The following NEO1 variants were observed in gnomAD, a reference collection of about 807,000 sequenced individuals.
NEO1 encodes neogenin.
In NEO1, 63 loss-of-function variants were observed where a neutral mutation model predicts 159.7. The observed-to-expected ratio is 0.39, with a 90% CI of 0.32 to 0.49. The LOEUF (loss-of-function observed/expected upper bound fraction) is 0.49, where lower values mean the gene tolerates loss of function less well. Ranked by LOEUF, NEO1 falls within the 20% of genes least tolerant of loss-of-function variation. The pLI, the probability that NEO1 is intolerant of heterozygous loss-of-function variation, is 0.85. For synonymous variants in NEO1, 633 were observed against 662.0 expected (o/e 0.96, Z 0.67); for missense variants, 1,615 against 1,831.0 (o/e 0.88, Z 2.15).
intron 1 of NEO1, among the ~76,000 whole-genome samples, chr15:73,100,910 C>T (rs1175879173): frequency 6.6e-6 from 1 of 152,178 alleles, no homozygotes; most frequent in Admixed American, 6.5e-5. Flanking sequence ...CACCACCCTT[C>T]TCTCATCATC....
At chr15:73,109,531 C>G (rs1232771550) in intron 1 of NEO1, among the ~76,000 whole-genome samples, 1 of 151,726 alleles carries the variant, frequency 6.6e-6, no homozygotes, top group African/African-American at 2.4e-5. Context: ...AAGGAAAGCA[C>G]TCTTATAAAT....
At chr15:73,211,781 A>G (rs955521202) in intron 7 of NEO1, among the ~76,000 whole-genome samples, 1 of 152,212 alleles carries the variant, frequency 6.6e-6, no homozygotes, top group African/African-American at 2.4e-5. Context: ...AGAAATATGC[A>G]GAGAAGAAGC....
At chr15:73,298,193 C>T in intron 26 of NEO1, 155 bp from the exon 27 acceptor site, 1 of 857,514 alleles carries the variant, frequency 1.2e-6, no homozygotes, top group Non-Finnish European at 1.8e-6. Context: ...CCATTCTTAT[C>T]CCTGGCAGTG....
chr15:73,084,408 T>C (rs1422101319), intron 1 of NEO1, among the ~76,000 whole-genome samples: 1 of 152,228 alleles, frequency 6.6e-6, no homozygotes. Context: ...AGTATTTGTT[T>C]TTCTATACCT....
At chr15:73,233,771 A>G (rs2039035676) in intron 7 of NEO1, among the ~76,000 whole-genome samples, 1 of 152,050 alleles carries the variant, frequency 6.6e-6, no homozygotes, top group African/African-American at 2.4e-5. Context: ...TTCCCTCCCC[A>G]GCTGCTTTCC....
In NEO1 at chr15:73,253,437, G is replaced by C; in HGVS notation, c.1932G>C (p.Val644=). 1 of 1,597,282 alleles carries C rather than the reference G, an allele frequency of 6.3e-7. No individual in the cohort carries two copies. Among genetic ancestry groups the C allele is most frequent in the Non-Finnish European group, 8.5e-7 (1 of 1,172,150 alleles). ...SAAPQNLSLE[V]RNSKSIMIHW... ...CTCCTCAGAATCTGTCCTTGGAAGT[G>C]AGAAATTCAAAGGTAAAACTGTATG... Residue 644 remains valine (V), a synonymous_variant, in exon 12 of 29, where the codon GTG becomes GTC. Coordinates refer to ENST00000261908, the MANE Select transcript of NEO1 (RefSeq NM_002499.4).
intron 7 of NEO1, among the ~76,000 whole-genome samples, chr15:73,201,271 A>G (rs973380189): frequency 6.6e-6 from 1 of 150,744 alleles, no homozygotes; most frequent in South Asian, 2.1e-4. Flanking sequence ...TCTAAGTTTC[A>G]CTTATTTTCA....
chr15:73,168,380 G>GGC (rs1491585392), intron 5 of NEO1, among the ~76,000 whole-genome samples: 1 of 8,554 alleles, frequency 1.2e-4, no homozygotes, highest in African/African-American at 3.2e-4. Flanking sequence ...GACGGGGGGT[G>GGC]GGGGGGGGGG....
chr15:73,079,287 A>G (rs1031637031), intron 1 of NEO1, among the ~76,000 whole-genome samples: 10 of 152,204 alleles, frequency 6.6e-5, no homozygotes, highest in African/African-American at 2.4e-4. Context: ...TTATGTTAAG[A>G]CATTTAAGGC....
At chr15:73,070,233 T>C (rs1026490149) in intron 1 of NEO1, among the ~76,000 whole-genome samples, 3 of 152,224 alleles carry the variant, frequency 2.0e-5, no homozygotes, top group East Asian at 3.8e-4. Context: ...ATATGTATTT[T>C]ATTTGTAATA....
At chr15:73,059,796 A>G (rs1032177958) in intron 1 of NEO1, among the ~76,000 whole-genome samples, 44 of 152,326 alleles carry the variant, frequency 2.9e-4, no homozygotes, top group African/African-American at 9.9e-4. Flanking sequence ...AAGGAGTTAT[A>G]TATCATTTCC....
At chr15:73,200,851 T>C in intron 7 of NEO1, among the ~76,000 whole-genome samples, 1 of 151,666 alleles carries the variant, frequency 6.6e-6, no homozygotes. Flanking sequence ...GCCCGGCTAA[T>C]TTTTGTATTT....
At chr15:73,270,848 G>A (rs1334576762) in intron 18 of NEO1, among the ~76,000 whole-genome samples, 5 of 152,198 alleles carry the variant, frequency 3.3e-5, no homozygotes, top group Admixed American at 6.5e-5. Context: ...GCAAATTAGC[G>A]TCTTATAAAA....
At chr15:73,121,523 A>G (rs2151645993) in intron 2 of NEO1, among the ~76,000 whole-genome samples, 1 of 152,280 alleles carries the variant, frequency 6.6e-6, no homozygotes, top group East Asian at 1.9e-4. Flanking sequence ...TACTTTTGTT[A>G]GTTAATAATG....
intron 13 of NEO1, 104 bp from the exon 14 acceptor site, chr15:73,258,662 T>TA: frequency 1.1e-6 from 1 of 890,438 alleles, no homozygotes; most frequent in Non-Finnish European, 1.8e-6. Context: ...TGCCAAGCTA[T>TA]ATACTGAGTT....
In NEO1 at chr15:73,249,100, A is replaced by T; in HGVS notation, c.1647A>T (p.Ala549=). The T allele has an allele frequency of 1.9e-6, 3 of 1,614,104 alleles. No individual in the cohort carries two copies. Among genetic ancestry groups the T allele is most frequent in the Non-Finnish European group, 2.5e-6 (3 of 1,179,982 alleles). Residue 549 remains alanine (A), a synonymous_variant, in exon 10 of 29, where the codon GCA becomes GCT. Coordinates refer to ENST00000261908, the MANE Select transcript of NEO1 (RefSeq NM_002499.4). ...CAGCACCTAACCTTCGTGCATATGC[A>T]GCTTCGCCTACCTCCATCACTGTTA... is the stretch of plus-strand genomic sequence containing the variant. ...PGPAPNLRAY[A]ASPTSITVTW... is the part of the protein sequence containing the mutation.
chr15:73,232,700 G>T (rs991456538), intron 7 of NEO1, among the ~76,000 whole-genome samples: 1 of 152,126 alleles, frequency 6.6e-6, no homozygotes, highest in African/African-American at 2.4e-5. Flanking sequence ...CTTGTTCCAT[G>T]GCTAGTCTAC....
chr15:73,296,850 G>C (rs929976052), intron 26 of NEO1, among the ~76,000 whole-genome samples: 1 of 152,168 alleles, frequency 6.6e-6, no homozygotes, highest in Admixed American at 6.5e-5. Context: ...ATTTCATCAT[G>C]CTACTCAGAA....
At chr15:73,127,380 C>T (rs1363689673) in intron 4 of NEO1, among the ~76,000 whole-genome samples, 2 of 152,126 alleles carry the variant, frequency 1.3e-5, no homozygotes, top group Non-Finnish European at 1.5e-5. Context: ...GCAGTGGGTG[C>T]TTTTCTTAGG....
Sources: gnomAD v4.1 joint callset for allele counts (sites outside exome capture counted in the v4.1 genomes callset) on GRCh38, gnomAD v4.1.1 for gene constraint, MANE v1.5 for transcripts, NCBI Gene and HGNC (gene_info 2026-07-23, HGNC 2026-07-21) for gene names.